The following ACTR3C variants were observed in gnomAD, a reference collection of about 807,000 sequenced individuals.
The protein encoded by ACTR3C is actin related protein 3C.
Under a neutral mutation model 26.3 loss-of-function variants are expected in ACTR3C, and 18 were observed. That is an observed-to-expected ratio of 0.68 (90% confidence interval 0.47 to 1.01). The LOEUF is 1.01. Ranked by LOEUF, ACTR3C falls within the 50% of genes least tolerant of loss-of-function variation. The pLI is 0.00. For synonymous variants in ACTR3C, 55 were observed against 94.5 expected (o/e 0.58, Z 2.42); for missense variants, 184 against 250.7 (o/e 0.73, Z 1.80).
the ACTR3C span, chr7:149,892,361 T>A: frequency 3.1e-6 from 5 of 1,596,590 alleles, no homozygotes; most frequent in Admixed American, 1.7e-5. Flanking sequence ...TCCTTTGGGC[T>A]TGGTCAACTA....
chr7:150,065,299 T>C, the ACTR3C span, among the ~76,000 whole-genome samples: 1 of 152,250 alleles, frequency 6.6e-6, no homozygotes, highest in African/African-American at 2.4e-5. Flanking sequence ...TTTATATAAT[T>C]TACCATCGAA....
intron 1 of ACTR3C, among the ~76,000 whole-genome samples, chr7:150,319,358 C>A (rs188710443): frequency 2.0e-5 from 3 of 152,286 alleles, no homozygotes; most frequent in East Asian, 3.9e-4. Context: ...CAGGCATGCA[C>A]CACCATGCCT....
the ACTR3C span, among the ~76,000 whole-genome samples, chr7:150,171,899 C>A: frequency 6.6e-6 from 1 of 150,738 alleles, no homozygotes; most frequent in Non-Finnish European, 1.5e-5. Context: ...GCAACCTCCA[C>A]CTCCTGGATT....
chr7:150,191,461 T>G, the ACTR3C span, among the ~76,000 whole-genome samples: 1 of 152,222 alleles, frequency 6.6e-6, no homozygotes, highest in African/African-American at 2.4e-5. Context: ...TCCAAAGTGT[T>G]TCATTTTTAT....
chr7:150,071,827 G>A, the ACTR3C span, among the ~76,000 whole-genome samples: 2 of 151,186 alleles, frequency 1.3e-5, no homozygotes, highest in East Asian at 3.9e-4. Context: ...CAGTGTCAGG[G>A]GTCAGAGGCA....
At chr7:149,928,554 A>G in the ACTR3C span, among the ~76,000 whole-genome samples, 1 of 151,806 alleles carries the variant, frequency 6.6e-6, no homozygotes, top group Non-Finnish European at 1.5e-5. Context: ...TCTAAAGAAT[A>G]TGGAAGGCCA....
At chr7:149,987,204 T>A in the ACTR3C span, among the ~76,000 whole-genome samples, 1 of 149,334 alleles carries the variant, frequency 6.7e-6, no homozygotes, top group South Asian at 2.1e-4. Flanking sequence ...GAAAAAAAAA[T>A]GCACACATCA....
the ACTR3C span, among the ~76,000 whole-genome samples, chr7:150,118,936 T>C: frequency 4.7e-4 from 53 of 113,832 alleles, 1 homozygote; most frequent in South Asian, 0.012. Flanking sequence ...ATAGTCAACA[T>C]TCTTAAAAAA....
At chr7:149,915,785 A>G in the ACTR3C span, among the ~76,000 whole-genome samples, 1 of 150,916 alleles carries the variant, frequency 6.6e-6, no homozygotes, top group Non-Finnish European at 1.5e-5. Context: ...CCTACCCCAC[A>G]TAAGTATTTG....
At chr7:150,039,706 G>A in the ACTR3C span, among the ~76,000 whole-genome samples, 1 of 142,626 alleles carries the variant, frequency 7.0e-6, no homozygotes, top group East Asian at 2.3e-4. Flanking sequence ...CGGGGGGGAA[G>A]AGGGTCTGGC....
At chr7:150,190,508 C>A in the ACTR3C span, among the ~76,000 whole-genome samples, 1 of 152,130 alleles carries the variant, frequency 6.6e-6, no homozygotes, top group Non-Finnish European at 1.5e-5. Flanking sequence ...TAAATTTACA[C>A]GTGAGTCTAT....
the ACTR3C span, among the ~76,000 whole-genome samples, chr7:150,062,933 G>A: frequency 1.3e-5 from 2 of 151,704 alleles, no homozygotes; most frequent in African/African-American, 4.8e-5. Context: ...GCTTTCATTT[G>A]GGATTTTTCC....
chr7:149,969,293 G>A, the ACTR3C span, among the ~76,000 whole-genome samples: 1 of 41,426 alleles, frequency 2.4e-5, no homozygotes, highest in South Asian at 1.9e-3. Context: ...GTGTGTGTGT[G>A]TGTGTGTGTG....
At chr7:149,944,736 C>T in the ACTR3C span, among the ~76,000 whole-genome samples, 1 of 151,722 alleles carries the variant, frequency 6.6e-6, no homozygotes, top group South Asian at 2.1e-4. Context: ...TGTCACTGTC[C>T]TGTAGCCAGC....
the ACTR3C span, among the ~76,000 whole-genome samples, chr7:150,161,345 C>T: frequency 1.3e-5 from 2 of 151,158 alleles, no homozygotes; most frequent in South Asian, 4.2e-4. Context: ...GGTATATCTC[C>T]TAATGCTATC....
intron 6 of ACTR3C, among the ~76,000 whole-genome samples, chr7:150,276,430 T>G (rs1368322404): frequency 6.6e-6 from 1 of 152,198 alleles, no homozygotes; most frequent in Non-Finnish European, 1.5e-5. Context: ...TGTTTCTATA[T>G]TGTGTTCTTG....
At chr7:150,243,446 T>G (rs1231443650), downstream of ACTR3C, among the ~76,000 whole-genome samples, 2 of 152,076 alleles carry the variant, frequency 1.3e-5, no homozygotes, top group African/African-American at 4.8e-5. Flanking sequence ...GGGTGGAACT[T>G]ATGGTTAATT....
chr7:149,909,650 A>G, the ACTR3C span: 2 of 438,422 alleles, frequency 4.6e-6, no homozygotes, highest in Non-Finnish European at 3.9e-6. Flanking sequence ...CTTTACTTAC[A>G]TGAAGGAATA....
the ACTR3C span, among the ~76,000 whole-genome samples, chr7:149,898,923 C>T: frequency 6.6e-5 from 10 of 151,938 alleles, no homozygotes; most frequent in South Asian, 1.9e-3. Flanking sequence ...AGAAATCTGT[C>T]TAAATAATCT....
Sources: allele counts gnomAD v4.1 joint callset (sites outside exome capture counted in the v4.1 genomes callset), GRCh38; gene constraint gnomAD v4.1.1; transcripts MANE v1.5; gene names NCBI Gene and HGNC (gene_info 2026-07-23, HGNC 2026-07-21).